ADAMTS12: variants seen among roughly 807,000 people sequenced by gnomAD.
ADAMTS12 encodes A disintegrin and metalloproteinase with thrombospondin motifs 12.
Under a neutral mutation model 167.8 loss-of-function variants are expected in ADAMTS12, and 118 were observed. That is an observed-to-expected ratio of 0.70 (90% CI 0.61 to 0.82). The LOEUF (loss-of-function observed/expected upper bound fraction) is 0.82, where lower values mean the gene tolerates loss of function less well. ADAMTS12 is among the 40% of genes least tolerant of loss of function. ADAMTS12 has a pLI of 0.00. For missense variants in ADAMTS12, 1,916 were observed against 1,998.8 expected, an observed-to-expected ratio of 0.96 and a Z score of 0.79; for synonymous variants, 704 against 716.9, an observed-to-expected ratio of 0.98 and a Z score of 0.29.
intron 17 of ADAMTS12, among the ~76,000 whole-genome samples, chr5:33,589,927 A>C (rs1390347013): frequency 6.6e-6 from 1 of 152,186 alleles, no homozygotes; most frequent in Non-Finnish European, 1.5e-5. Context: ...CTCAAGTTAA[A>C]AATATCAGAA....
chr5:33,614,453 A>G, intron 15 of ADAMTS12, 77 bp from the exon 16 acceptor site: 1 of 1,542,934 alleles, frequency 6.5e-7, no homozygotes, highest in East Asian at 2.3e-5. Flanking sequence ...ACACCACAAA[A>G]TGTCAGTCAT....
intron 2 of ADAMTS12, among the ~76,000 whole-genome samples, chr5:33,766,707 C>G (rs1490260874): frequency 2.0e-5 from 3 of 151,940 alleles, no homozygotes; most frequent in African/African-American, 2.4e-5. Flanking sequence ...AGAACTCATT[C>G]TTTTTTAATT....
At chr5:33,624,448 A>C in intron 13 of ADAMTS12, 97 bp from the exon 14 acceptor site, 1 of 1,536,296 alleles carries the variant, frequency 6.5e-7, no homozygotes. Context: ...GCTTCATAAG[A>C]CTGGGCAGGA....
At chr5:33,664,531 C>T (rs753925543) in intron 5 of ADAMTS12, among the ~76,000 whole-genome samples, 1 of 152,124 alleles carries the variant, frequency 6.6e-6, no homozygotes, top group African/African-American at 2.4e-5. Flanking sequence ...ATACAAATGG[C>T]CAACAGATAC....
intron 2 of ADAMTS12, among the ~76,000 whole-genome samples, chr5:33,768,584 C>T (rs1347614186): frequency 6.6e-6 from 1 of 152,072 alleles, no homozygotes; most frequent in Non-Finnish European, 1.5e-5. Flanking sequence ...AGAATATATT[C>T]ATCCTGTTTT....
Position 33,849,625 on chromosome 5 carries a change from T to C in ADAMTS12, c.489+31494A>G, listed in dbSNP as rs186398957. ...TGCATAGCAATATATATGTATTGCA[T>C]AGCAATATATATGTATTGCATAGCA... On this transcript the variant is annotated intron_variant, in intron 2 of 23. Transcript: ENST00000504830. Among the ~76,000 whole-genome samples, 66 of 132,632 alleles carry C rather than the reference T, an allele frequency of 5.0e-4. 3 individuals carry two copies. Among genetic ancestry groups the C allele is most frequent in the African/African-American group, 1.7e-3 (57 of 33,342 alleles). 87.0% of individuals were successfully genotyped at this position (132,632 alleles called of 152,430 possible).
chr5:33,698,470 GA>G (rs1452932313), intron 3 of ADAMTS12, among the ~76,000 whole-genome samples: 30 of 152,122 alleles, frequency 2.0e-4, no homozygotes, highest in African/African-American at 7.2e-4. Context: ...CAGATAAGCT[GA>G]AAAAATGTCA....
chr5:33,534,044 CCAAA>C (rs978002399), intron 23 of ADAMTS12, among the ~76,000 whole-genome samples: 10 of 152,120 alleles, frequency 6.6e-5, no homozygotes, highest in East Asian at 1.9e-4. Flanking sequence ...TCAATGAAGC[CCAAA>C]CAATCAGTGG....
chr5:33,794,918 A>G (rs1184220048), intron 2 of ADAMTS12, among the ~76,000 whole-genome samples: 1 of 152,198 alleles, frequency 6.6e-6, no homozygotes. Flanking sequence ...CTCAAAGGAC[A>G]GTTCCCTAAT....
At chr5:33,830,622 C>T (rs1212196879) in intron 2 of ADAMTS12, among the ~76,000 whole-genome samples, 1 of 152,058 alleles carries the variant, frequency 6.6e-6, no homozygotes, top group Non-Finnish European at 1.5e-5. Flanking sequence ...GACACTGTCT[C>T]TATTAAAAAT....
In ADAMTS12 at chr5:33,532,389, T is replaced by C. The variant is rs10063218; in HGVS notation, c.4606+2444A>G. Among the ~76,000 whole-genome samples the C allele has an allele frequency of 7.8e-3, 1,192 of 152,264 alleles. 13 individuals carry two copies. Among genetic ancestry groups the C allele is most frequent in the African/African-American group, 0.027 (1,105 of 41,544 alleles). On this transcript the variant is annotated intron_variant, in intron 23 of 23. Coordinates refer to ENST00000504830, the MANE Select transcript of ADAMTS12 (RefSeq NM_030955.4). Reference sequence around the variant, plus strand: ...AATAAGTGAATGAATGAGATCCTATTCATCTGGCAGAATATTCTTTACTAG... The same window carrying C: ...AATAAGTGAATGAATGAGATCCTATCCATCTGGCAGAATATTCTTTACTAG...
chr5:33,759,599 C>A (rs1745280543), intron 2 of ADAMTS12, among the ~76,000 whole-genome samples: 1 of 152,204 alleles, frequency 6.6e-6, no homozygotes. Context: ...AGCATCTCAA[C>A]TCTTCCGTGA....
intron 1 of ADAMTS12, 138 bp from the exon 2 acceptor site, chr5:33,881,618 A>G: frequency 8.7e-6 from 11 of 1,262,618 alleles, no homozygotes; most frequent in Non-Finnish European, 1.2e-5. Flanking sequence ...CTGGAGTGCA[A>G]TGGCACGATC....
intron 19 of ADAMTS12, among the ~76,000 whole-genome samples, chr5:33,572,737 A>C (rs558776113): frequency 0.27 from 39,637 of 145,468 alleles, 6,863 homozygotes; most frequent in Non-Finnish European, 0.39. Context: ...TAGTGTTGGA[A>C]GTTCTGGCCA....
At chr5:33,774,195 C>T (rs1391682900) in intron 2 of ADAMTS12, among the ~76,000 whole-genome samples, 1 of 152,140 alleles carries the variant, frequency 6.6e-6, no homozygotes, top group East Asian at 1.9e-4. Flanking sequence ...TTCCTGTATG[C>T]CAGCTTCTCT....
At chr5:33,777,229 A>T (rs1745946162) in intron 2 of ADAMTS12, among the ~76,000 whole-genome samples, 1 of 152,174 alleles carries the variant, frequency 6.6e-6, no homozygotes, top group Non-Finnish European at 1.5e-5. Context: ...GAAGAAAAGA[A>T]AATGACAGGC....
At chr5:33,674,629 A>G (rs935837531) in intron 5 of ADAMTS12, among the ~76,000 whole-genome samples, 3 of 152,126 alleles carry the variant, frequency 2.0e-5, no homozygotes. Context: ...AACCCACTGT[A>G]TGCATAGCAT....
At chr5:33,684,273 T>G (rs1196665403) in intron 3 of ADAMTS12, among the ~76,000 whole-genome samples, 2 of 150,882 alleles carry the variant, frequency 1.3e-5, no homozygotes, top group African/African-American at 4.8e-5. Context: ...ATAAAAATGT[T>G]TCTTACCTAT....
chr5:33,884,100 A>T (rs933435068), intron 1 of ADAMTS12, among the ~76,000 whole-genome samples: 1 of 152,156 alleles, frequency 6.6e-6, no homozygotes, highest in African/African-American at 2.4e-5. Flanking sequence ...CCCTGTATGT[A>T]GTCAGTGTCC....
Sources: gnomAD v4.1 joint callset for allele counts (sites outside exome capture counted in the v4.1 genomes callset) on GRCh38, gnomAD v4.1.1 for gene constraint, MANE v1.5 for transcripts, NCBI Gene and HGNC (gene_info 2026-07-23, HGNC 2026-07-21) for gene names.